Variants in PCNX2 observed in about 807,000 individuals in gnomAD.
The protein encoded by PCNX2 is pecanex 2.
In PCNX2, 168 loss-of-function variants were observed where a neutral mutation model predicts 223.8. The ratio of observed to expected loss-of-function variants is 0.75; its 90% CI spans 0.66 to 0.85. The LOEUF (loss-of-function observed/expected upper bound fraction) is 0.85. Ranked by LOEUF, PCNX2 falls within the 40% of genes least tolerant of loss-of-function variation. PCNX2 has a pLI of 0.00. For missense variants in PCNX2, 2,507 were observed against 2,675.5 expected (o/e 0.94, Z 1.39); for synonymous variants, 1,006 against 1,052.6 (o/e 0.96, Z 0.86).
intron 15 of PCNX2, among the ~76,000 whole-genome samples, chr1:233,193,698 A>T (rs1448949888): frequency 6.6e-6 from 1 of 152,184 alleles, no homozygotes; most frequent in East Asian, 1.9e-4. Flanking sequence ...ACAGAAATGG[A>T]CATCATTCAT....
chr1:233,006,586 G>A (rs555944399), intron 28 of PCNX2, among the ~76,000 whole-genome samples: 2 of 152,126 alleles, frequency 1.3e-5, no homozygotes, highest in Admixed American at 6.5e-5. Context: ...TCCAAGTATT[G>A]GACAATGGGG....
intron 1 of PCNX2, among the ~76,000 whole-genome samples, chr1:233,277,946 T>C (rs534293074): frequency 1.3e-5 from 2 of 152,306 alleles, no homozygotes; most frequent in South Asian, 4.1e-4. Flanking sequence ...AAAGCCTGGA[T>C]ACAAACTTAT....
chr1:233,089,347 C>A (rs531274153), intron 23 of PCNX2, among the ~76,000 whole-genome samples: 2 of 152,290 alleles, frequency 1.3e-5, no homozygotes, highest in African/African-American at 4.8e-5. Flanking sequence ...ATGCAAAGGT[C>A]TCTGTCCCAG....
At chr1:233,080,152 T>G (rs1356114665) in intron 23 of PCNX2, among the ~76,000 whole-genome samples, 4 of 152,174 alleles carry the variant, frequency 2.6e-5, no homozygotes, top group African/African-American at 9.7e-5. Flanking sequence ...ACTTCAAACT[T>G]CGATCTCTTT....
chr1:233,144,312 T>C (rs992830519), intron 19 of PCNX2, among the ~76,000 whole-genome samples: 4 of 152,212 alleles, frequency 2.6e-5, no homozygotes, highest in African/African-American at 9.7e-5. Flanking sequence ...AACAACCTTA[T>C]CTTCCTTTTC....
At chr1:233,208,367 CCAGA>C in intron 13 of PCNX2, 147 bp downstream of exon 13, 1 of 827,906 alleles carries the variant, frequency 1.2e-6, no homozygotes, top group Non-Finnish European at 1.8e-6. Flanking sequence ...GCTTGGGCTC[CCAGA>C]CAGTCTTCGG....
intron 32 of PCNX2, among the ~76,000 whole-genome samples, chr1:232,994,949 C>T (rs542753766): frequency 1.4e-3 from 219 of 152,320 alleles, no homozygotes; most frequent in Non-Finnish European, 2.1e-3. Flanking sequence ...TACACAGTCT[C>T]AGGTAGTACC....
At chr1:233,085,898 G>GC (rs1286445555) in intron 23 of PCNX2, among the ~76,000 whole-genome samples, 12 of 152,082 alleles carry the variant, frequency 7.9e-5, no homozygotes, top group Admixed American at 3.3e-4. Context: ...CAACCACTCA[G>GC]CCCAGCCCTT....
At chr1:233,187,956 A>G (rs900061544) in intron 15 of PCNX2, among the ~76,000 whole-genome samples, 9 of 152,250 alleles carry the variant, frequency 5.9e-5, no homozygotes, top group African/African-American at 2.2e-4. Flanking sequence ...ATTTATTACT[A>G]TTAGCATTAT....
intron 19 of PCNX2, among the ~76,000 whole-genome samples, chr1:233,149,132 A>C (rs924483112): frequency 6.6e-6 from 1 of 152,226 alleles, no homozygotes; most frequent in African/African-American, 2.4e-5. Context: ...CCATAAAAAA[A>C]CCAATACTTT....
chr1:233,283,101 G>T (rs1215840254), intron 1 of PCNX2, among the ~76,000 whole-genome samples: 1 of 143,182 alleles, frequency 7.0e-6, no homozygotes, highest in Non-Finnish European at 1.5e-5. Flanking sequence ...TGTTATGGGA[G>T]TAGTAATTCG....
chr1:233,164,379 G>C (rs1678669553), intron 17 of PCNX2, among the ~76,000 whole-genome samples: 2 of 152,022 alleles, frequency 1.3e-5, no homozygotes, highest in Admixed American at 1.3e-4. Context: ...GCAGTATGGG[G>C]AGTTTCCTCA....
intron 32 of PCNX2, among the ~76,000 whole-genome samples, chr1:232,988,194 C>T (rs566876710): frequency 1.6e-4 from 24 of 152,308 alleles, no homozygotes; most frequent in East Asian, 5.8e-4. Context: ...TGATTTCTAT[C>T]GTAAAGCTGA....
intron 5 of PCNX2, among the ~76,000 whole-genome samples, chr1:233,256,498 C>A (rs903896553): frequency 2.6e-5 from 4 of 152,158 alleles, no homozygotes; most frequent in Admixed American, 1.3e-4. Context: ...GGCCTTCATG[C>A]GCTCTGGGTT....
At chr1:233,050,348 TA>T (rs906732779) in intron 25 of PCNX2, among the ~76,000 whole-genome samples, 155 of 134,926 alleles carry the variant, frequency 1.1e-3, no homozygotes, top group East Asian at 4.0e-3. Flanking sequence ...CCATACTGAA[TA>T]AAAAAAAAAA....
At chr1:233,057,044 C>G (rs1208017003) in intron 24 of PCNX2, among the ~76,000 whole-genome samples, 188 bp downstream of exon 24, 2 of 152,080 alleles carry the variant, frequency 1.3e-5, no homozygotes, top group Non-Finnish European at 2.9e-5. Context: ...AATAGCGGAG[C>G]AATGCATTGT....
At chr1:233,187,568 C>G (rs1278980185) in intron 15 of PCNX2, among the ~76,000 whole-genome samples, 2 of 152,206 alleles carry the variant, frequency 1.3e-5, no homozygotes, top group Non-Finnish European at 2.9e-5. Flanking sequence ...AATCTTACTT[C>G]ACTCAACAAT....
intron 5 of PCNX2, among the ~76,000 whole-genome samples, chr1:233,256,355 A>T (rs1329231187): frequency 6.6e-6 from 1 of 152,206 alleles, no homozygotes; most frequent in Non-Finnish European, 1.5e-5. Flanking sequence ...GCTCTGTAGA[A>T]GAAACTCCAA....
intron 16 of PCNX2, among the ~76,000 whole-genome samples, chr1:233,178,325 T>C (rs1056685800): frequency 2.6e-5 from 4 of 152,364 alleles, no homozygotes; most frequent in Non-Finnish European, 5.9e-5. Context: ...CCTAAAATTA[T>C]GGTGTCTCTG....
Sources: gnomAD v4.1 joint callset for allele counts (sites outside exome capture counted in the v4.1 genomes callset) on GRCh38, gnomAD v4.1.1 for gene constraint, MANE v1.5 for transcripts, NCBI Gene and HGNC (gene_info 2026-07-23, HGNC 2026-07-21) for gene names.